The following SLC5A4 variants were observed in gnomAD, a reference collection of about 807,000 sequenced individuals.
SLC5A4 encodes probable glucose sensor protein SLC5A4.
SLC5A4 carries 55 observed loss-of-function variants against 70.3 expected under a neutral mutation model. The observed-to-expected ratio is 0.78, with a 90% CI of 0.63 to 0.98. The LOEUF is 0.98. SLC5A4 is among the 50% of genes least tolerant of loss of function. The pLI is 0.00. For missense variants in SLC5A4, 735 were observed against 839.2 expected (o/e 0.88, Z 1.53); for synonymous variants, 268 against 305.7 (o/e 0.88, Z 1.29).
the SLC5A4 span, chr22:32,272,558 G>A: frequency 4.6e-6 from 3 of 649,804 alleles, no homozygotes; most frequent in East Asian, 2.7e-5. Context: ...AGACCCTGGA[G>A]GTGTACAGCG....
At chr22:32,294,212 T>C in the SLC5A4 span, among the ~76,000 whole-genome samples, 1 of 152,224 alleles carries the variant, frequency 6.6e-6, no homozygotes, top group Admixed American at 6.5e-5. Flanking sequence ...ATATCTCCTA[T>C]GACTGCTAAG....
chr22:32,245,148 CTG>C (rs1425704554), intron 5 of SLC5A4, among the ~76,000 whole-genome samples: 4 of 152,284 alleles, frequency 2.6e-5, no homozygotes, highest in African/African-American at 9.6e-5. Context: ...GTTATGAAAA[CTG>C]TCCTGTCCTA....
At chr22:32,219,630 C>CAAAAAAAAAAA in intron 14 of SLC5A4, among the ~76,000 whole-genome samples, 35 of 28,852 alleles carry the variant, frequency 1.2e-3, no homozygotes, top group African/African-American at 2.1e-3. Flanking sequence ...TCCAACTTAG[C>CAAAAAAAAAAA]AAAAAAAAAA....
At chr22:32,290,884 G>A in the SLC5A4 span, among the ~76,000 whole-genome samples, 1 of 152,120 alleles carries the variant, frequency 6.6e-6, no homozygotes, top group Non-Finnish European at 1.5e-5. Context: ...CGCTTCCTAA[G>A]GGCCCCAACT....
the SLC5A4 span, among the ~76,000 whole-genome samples, chr22:32,331,120 C>G: frequency 2.5e-4 from 22 of 87,110 alleles, 3 homozygotes; most frequent in East Asian, 1.6e-3. Context: ...TGTGTGTGTT[C>G]GAGGCTCTGG....
intron 10 of SLC5A4, 99 bp from the exon 11 acceptor site, chr22:32,229,443 G>A: frequency 1.6e-6 from 2 of 1,234,252 alleles, no homozygotes; most frequent in Non-Finnish European, 2.3e-6. Flanking sequence ...TGGAACATAG[G>A]TTAACTGATG....
the SLC5A4 span, chr22:32,327,260 T>G: frequency 1.3e-5 from 2 of 152,276 alleles, no homozygotes; most frequent in Non-Finnish European, 2.9e-5. Flanking sequence ...TGGCGTGGTA[T>G]GTCCACACAA....
At chr22:32,266,640 T>C in the SLC5A4 span, among the ~76,000 whole-genome samples, 2 of 152,190 alleles carry the variant, frequency 1.3e-5, no homozygotes, top group Non-Finnish European at 2.9e-5. Context: ...AAATGTGGGG[T>C]TTAGGGGCAC....
At chr22:32,227,013 C>T (rs1298052166) in intron 11 of SLC5A4, among the ~76,000 whole-genome samples, 1 of 152,142 alleles carries the variant, frequency 6.6e-6, no homozygotes, top group Non-Finnish European at 1.5e-5. Flanking sequence ...AGAGGACTCC[C>T]TGAGCACCTG....
the SLC5A4 span, chr22:32,271,327 C>T: frequency 2.7e-6 from 2 of 737,374 alleles, no homozygotes; most frequent in East Asian, 5.9e-5. Context: ...CCAGGAGGAG[C>T]TGCCTCTCTC....
the SLC5A4 span, among the ~76,000 whole-genome samples, chr22:32,289,296 T>C: frequency 2.0e-5 from 3 of 152,178 alleles, no homozygotes; most frequent in Non-Finnish European, 4.4e-5. Flanking sequence ...AGCAACCTGA[T>C]TGATATGGTT....
the SLC5A4 span, among the ~76,000 whole-genome samples, chr22:32,289,741 A>C: frequency 6.6e-6 from 1 of 152,200 alleles, no homozygotes; most frequent in African/African-American, 2.4e-5. Context: ...CCCAGTCTTA[A>C]GTATGTCTTA....
the SLC5A4 span, among the ~76,000 whole-genome samples, chr22:32,278,625 C>T: frequency 6.6e-6 from 1 of 151,974 alleles, no homozygotes; most frequent in Non-Finnish European, 1.5e-5. Context: ...TGAACTGTGA[C>T]GTGTGTAAGA....
intron 13 of SLC5A4, among the ~76,000 whole-genome samples, chr22:32,221,814 G>A (rs777415759): frequency 3.3e-5 from 5 of 152,056 alleles, no homozygotes; most frequent in Non-Finnish European, 4.4e-5. Context: ...GCAATGGTGC[G>A]ATCTTGGCTC....
the SLC5A4 span, among the ~76,000 whole-genome samples, chr22:32,343,340 G>A: frequency 6.6e-6 from 1 of 152,202 alleles, no homozygotes; most frequent in Non-Finnish European, 1.5e-5. Flanking sequence ...ACAATCAGCT[G>A]ACATATCTCC....
chr22:32,290,886 G>A, the SLC5A4 span, among the ~76,000 whole-genome samples: 1 of 152,120 alleles, frequency 6.6e-6, no homozygotes, highest in East Asian at 1.9e-4. Flanking sequence ...CTTCCTAAGG[G>A]CCCCAACTCT....
At chr22:32,218,883 AAAACAGG>A (rs1405168615) in intron 14 of SLC5A4, among the ~76,000 whole-genome samples, 158 bp from the exon 15 acceptor site, 2 of 152,238 alleles carry the variant, frequency 1.3e-5, no homozygotes, top group East Asian at 3.8e-4. Flanking sequence ...TAATCATATA[AAAACAGG>A]CGACTTTTGC....
intron 5 of SLC5A4, 122 bp from the exon 6 acceptor site, chr22:32,239,212 A>G (rs1315177746): frequency 1.4e-6 from 1 of 719,082 alleles, no homozygotes; most frequent in Non-Finnish European, 2.4e-6. Context: ...CCCTTCAAGA[A>G]TCCACTGAGA....
chr22:32,250,043 T>G (rs1927051728), intron 3 of SLC5A4, among the ~76,000 whole-genome samples: 1 of 152,024 alleles, frequency 6.6e-6, no homozygotes, highest in Non-Finnish European at 1.5e-5. Flanking sequence ...GGACACATAG[T>G]GGGGACTCAG....
Sources: gnomAD v4.1 joint callset for allele counts (sites outside exome capture counted in the v4.1 genomes callset) on GRCh38, gnomAD v4.1.1 for gene constraint, MANE v1.5 for transcripts, NCBI Gene and HGNC (gene_info 2026-07-23, HGNC 2026-07-21) for gene names.